Variants in RBFOX1 observed in about 807,000 individuals in gnomAD.
RBFOX1 encodes RNA binding fox-1 homolog 1, also known as RNA binding protein fox-1 homolog 1.
A neutral mutation model predicts 57.7 loss-of-function variants in RBFOX1; 8 were observed. The observed-to-expected ratio is 0.14, with a 90% CI of 0.08 to 0.25. RBFOX1 has a LOEUF of 0.25. RBFOX1 is among the 10% of genes least tolerant of loss of function. The probability of loss-of-function intolerance (pLI) is 1.00; values close to 1 mark genes in which losing one functional copy is unlikely to be tolerated. For synonymous variants in RBFOX1, 326 were observed against 222.4 expected (o/e 1.47, Z -4.15); for missense variants, 611 against 548.5 (o/e 1.11, Z -1.14).
At chr16:6,367,191 G>T (rs1340691211) in intron 2 of RBFOX1, among the ~76,000 whole-genome samples, 1 of 152,214 alleles carries the variant, frequency 6.6e-6, no homozygotes, top group Non-Finnish European at 1.5e-5. Flanking sequence ...CACAGGTTAT[G>T]CTGAATTGTA....
At chr16:6,981,829 C>T (rs554131527) in intron 3 of RBFOX1, among the ~76,000 whole-genome samples, 2 of 152,214 alleles carry the variant, frequency 1.3e-5, no homozygotes, top group South Asian at 4.2e-4. Context: ...GGGGTGGGGA[C>T]ACAGCCAAGC....
At chr16:7,168,001 T>G (rs1221553064) in intron 4 of RBFOX1, among the ~76,000 whole-genome samples, 2 of 152,170 alleles carry the variant, frequency 1.3e-5, no homozygotes, top group Admixed American at 6.5e-5. Flanking sequence ...AAGGATTTTT[T>G]TTAAACTTAC....
chr16:7,478,872 C>T (rs528419970), intron 4 of RBFOX1, among the ~76,000 whole-genome samples: 7 of 152,154 alleles, frequency 4.6e-5, no homozygotes, highest in Non-Finnish European at 1.0e-4. Context: ...TGAAATAGCT[C>T]TGTTGCATCT....
intron 3 of RBFOX1, among the ~76,000 whole-genome samples, chr16:6,848,044 C>G (rs190900882): frequency 5.9e-5 from 9 of 152,210 alleles, no homozygotes; most frequent in African/African-American, 2.2e-4. Flanking sequence ...GTTGGCCAGG[C>G]TGGTCTCCAA....
intron 4 of RBFOX1, among the ~76,000 whole-genome samples, chr16:7,472,139 T>G (rs1433367036): frequency 6.6e-6 from 1 of 152,226 alleles, no homozygotes; most frequent in African/African-American, 2.4e-5. Context: ...TGTTTATAAT[T>G]TCTTCTTTTT....
chr16:5,709,487 T>C (rs893207328), intron 3 of RBFOX1, among the ~76,000 whole-genome samples: 2 of 152,050 alleles, frequency 1.3e-5, no homozygotes, highest in East Asian at 1.9e-4. Context: ...TCCCAAAGTA[T>C]CCTAGGGTAA....
chr16:7,286,147 G>A (rs1377476018), intron 4 of RBFOX1, among the ~76,000 whole-genome samples: 1 of 152,152 alleles, frequency 6.6e-6, no homozygotes, highest in Non-Finnish European at 1.5e-5. Context: ...TACCACTGCT[G>A]GCATAGGGAT....
chr16:7,696,668 C>G (rs147637580), intron 14 of RBFOX1, among the ~76,000 whole-genome samples: 100 of 152,200 alleles, frequency 6.6e-4, no homozygotes, highest in African/African-American at 2.3e-3. Flanking sequence ...TATGGGAGAA[C>G]AGATCCCAAA....
Position 5,825,740 on chromosome 16 carries a change from A to AC in RBFOX1, c.319-41563_319-41562insC, listed in dbSNP as rs1159981599. 3.6e-4 allele frequency among the ~76,000 whole-genome samples: 54 copies of AC among 152,098 alleles called. 1 individual carries two copies. Among genetic ancestry groups the AC allele is most frequent in the African/African-American group, 1.2e-3 (49 of 41,506 alleles). On this transcript the variant is annotated intron_variant, in intron 3 of 19. Coordinates refer to the RBFOX1 transcript ENST00000641259. The stretch of plus-strand genomic sequence containing the variant: ...TCACTCCCTGTTTCCTCCTTCCCTT[A>AC]TTATTCCTTAATATGAATAAGGAAT...
exon 3 of RBFOX1, chr16:5,600,103 C>T (rs1445741043): frequency 7.1e-6 from 1 of 140,092 alleles, no homozygotes; most frequent in African/African-American, 2.7e-5. Flanking sequence ...TCCTGGATAA[C>T]ATGGTGAAAC....
intron 3 of RBFOX1, among the ~76,000 whole-genome samples, chr16:7,033,271 G>A (rs2043284942): frequency 6.6e-6 from 1 of 152,202 alleles, no homozygotes; most frequent in African/African-American, 2.4e-5. Flanking sequence ...TGTAATCCTA[G>A]AACTTTGGGA....
intron 3 of RBFOX1, among the ~76,000 whole-genome samples, chr16:6,925,716 C>G (rs906436869): frequency 6.6e-6 from 1 of 152,030 alleles, no homozygotes; most frequent in Non-Finnish European, 1.5e-5. Context: ...GTAAATACAT[C>G]AAAGTTGATT....
At chr16:6,559,159 C>T (rs1416668661) in intron 2 of RBFOX1, among the ~76,000 whole-genome samples, 4 of 149,734 alleles carry the variant, frequency 2.7e-5, no homozygotes, top group Non-Finnish European at 4.4e-5. Context: ...ATATATATGA[C>T]TGTTTGTGTG....
At chr16:6,993,145 C>T (rs74010429) in intron 3 of RBFOX1, among the ~76,000 whole-genome samples, 2 of 152,120 alleles carry the variant, frequency 1.3e-5, no homozygotes, top group Non-Finnish European at 2.9e-5. Flanking sequence ...TGAACTGTAA[C>T]ACTGACTTTC....
At chr16:7,120,830 T>TATATACAC (rs1226442313) in intron 4 of RBFOX1, among the ~76,000 whole-genome samples, 1,297 of 86,572 alleles carry the variant, frequency 0.015, 8 homozygotes, top group Middle Eastern at 0.029. Flanking sequence ...TATGTATATA[T>TATATACAC]ACACACACAC....
chr16:6,075,339 C>T (rs1341935102), intron 1 of RBFOX1, among the ~76,000 whole-genome samples: 1 of 152,144 alleles, frequency 6.6e-6, no homozygotes, highest in Non-Finnish European at 1.5e-5. Flanking sequence ...CTCATTTATT[C>T]ATCTGTTTAA....
At chr16:7,310,258 C>A (rs2096278356) in intron 4 of RBFOX1, among the ~76,000 whole-genome samples, 1 of 152,200 alleles carries the variant, frequency 6.6e-6, no homozygotes, top group Admixed American at 6.5e-5. Context: ...GTTCCTGAGC[C>A]TGGCATACGA....
rs1202016714 is a variant in RBFOX1 at position 6,450,839 on chromosome 16, GTATATATATATATATA to G, written c.-64+133802_-64+133817del. Among the ~76,000 whole-genome samples, 7 of 13,610 alleles carry G rather than the reference GTATATATATATATATA, an allele frequency of 5.1e-4. 2 individuals are homozygous for G. Among genetic ancestry groups the G allele is most frequent in the Admixed American group, 3.1e-3 (2 of 640 alleles). The allele number at this position is 13,610 out of a possible 152,430, so 8.9% of individuals were successfully genotyped here. A position where few individuals can be genotyped will look rare whatever the true frequency, so the allele number is the denominator to read the frequency against. On this transcript the variant is annotated intron_variant, in intron 2 of 15. Transcript: ENST00000550418. Reference sequence around the variant, plus strand: ...TATACATATATATATATATATATGTGTATATATATATATATATATATATATATATATATATCTCCTC... The same window carrying G: ...TATACATATATATATATATATATGTGTATATATATATATATATATCTCCTC...
intron 4 of RBFOX1, among the ~76,000 whole-genome samples, chr16:7,489,678 G>A (rs2151485226): frequency 6.6e-6 from 1 of 151,620 alleles, no homozygotes; most frequent in Non-Finnish European, 1.5e-5. Flanking sequence ...ACTATGCCCA[G>A]AAAATTGTTT....
Sources: allele counts gnomAD v4.1 joint callset (sites outside exome capture counted in the v4.1 genomes callset), GRCh38; gene constraint gnomAD v4.1.1; transcripts MANE v1.5; gene names NCBI Gene and HGNC (gene_info 2026-07-23, HGNC 2026-07-21).